STRN3: variants seen among roughly 807,000 people sequenced by gnomAD.
The protein encoded by STRN3 is striatin-3.
Under a neutral mutation model 95.6 loss-of-function variants are expected in STRN3, and 29 were observed. That is an observed-to-expected ratio of 0.30 (90% CI 0.23 to 0.41). STRN3 has a LOEUF of 0.41. Ranked by LOEUF, STRN3 falls within the 10% of genes least tolerant of loss-of-function variation. STRN3 has a pLI of 1.00. For missense variants in STRN3, 890 were observed against 972.1 expected (o/e 0.92, Z 1.12); for synonymous variants, 331 against 357.6 (o/e 0.93, Z 0.84).
intron 12 of STRN3, among the ~76,000 whole-genome samples, chr14:30,911,401 G>A (rs927831612): frequency 1.0e-4 from 15 of 148,146 alleles, no homozygotes; most frequent in African/African-American, 3.3e-4. Flanking sequence ...TCCCAGGTTC[G>A]AGCGATTCTC....
intron 13 of STRN3, among the ~76,000 whole-genome samples, chr14:30,910,538 A>T (rs956553783): frequency 1.3e-5 from 2 of 152,078 alleles, no homozygotes; most frequent in Admixed American, 6.5e-5. Context: ...ACAGATTTCT[A>T]AAAGCTACAT....
chr14:30,944,594 CATATAT>C (rs757394600), intron 5 of STRN3, among the ~76,000 whole-genome samples: 1 of 141,268 alleles, frequency 7.1e-6, no homozygotes, highest in Non-Finnish European at 1.5e-5. Flanking sequence ...CACGCACATA[CATATAT>C]ATATACACAT....
chr14:30,979,126 T>C (rs1326185757), intron 1 of STRN3, among the ~76,000 whole-genome samples: 2 of 146,434 alleles, frequency 1.4e-5, no homozygotes, highest in Non-Finnish European at 3.0e-5. Flanking sequence ...TCCTATGCAA[T>C]AGTAATAAAC....
At chr14:30,990,830 G>C (rs1881918442) in intron 1 of STRN3, among the ~76,000 whole-genome samples, 1 of 152,096 alleles carries the variant, frequency 6.6e-6, no homozygotes. Context: ...CATGTAAATA[G>C]TTGTTATATT....
chr14:30,919,334 A>G (rs992926686), intron 8 of STRN3, among the ~76,000 whole-genome samples: 14 of 150,904 alleles, frequency 9.3e-5, no homozygotes, highest in South Asian at 2.1e-4. Flanking sequence ...ATACATATCT[A>G]TATTACATAT....
chr14:30,931,799 C>A (rs1193450161), intron 7 of STRN3: 1 of 152,108 alleles, frequency 6.6e-6, no homozygotes, highest in Non-Finnish European at 1.5e-5. Flanking sequence ...AGAAAGCTTG[C>A]CAAAAGGCAG....
At chr14:30,934,280 C>T (rs974435167) in intron 7 of STRN3, among the ~76,000 whole-genome samples, 16 of 152,122 alleles carry the variant, frequency 1.1e-4, no homozygotes, top group African/African-American at 3.9e-4. Flanking sequence ...GCCAAGATTG[C>T]ACCACTGCAT....
chr14:31,003,573 GCT>G (rs1882572174), intron 1 of STRN3, among the ~76,000 whole-genome samples: 1 of 152,056 alleles, frequency 6.6e-6, no homozygotes, highest in Admixed American at 6.6e-5. Context: ...GCTGACTGTT[GCT>G]CTCTCGCCAT....
At chr14:30,963,917 T>C (rs1044711017) in intron 1 of STRN3, among the ~76,000 whole-genome samples, 3 of 151,914 alleles carry the variant, frequency 2.0e-5, no homozygotes, top group Admixed American at 1.3e-4. Flanking sequence ...ATGTAAGCAA[T>C]GCGCAGGGGG....
intron 8 of STRN3, among the ~76,000 whole-genome samples, chr14:30,921,326 T>C (rs778122352): frequency 3.7e-4 from 57 of 152,328 alleles, no homozygotes; most frequent in Non-Finnish European, 7.1e-4. Flanking sequence ...TTACAGATAA[T>C]GTAAAGTTAA....
At chr14:30,907,408 G>A (rs1896493354) in intron 13 of STRN3, among the ~76,000 whole-genome samples, 1 of 151,658 alleles carries the variant, frequency 6.6e-6, no homozygotes, top group African/African-American at 2.4e-5. Flanking sequence ...CAACCATCAT[G>A]ACAATCAATT....
intron 1 of STRN3, among the ~76,000 whole-genome samples, chr14:31,024,193 G>A (rs1047276730): frequency 2.0e-5 from 3 of 152,200 alleles, no homozygotes; most frequent in African/African-American, 7.2e-5. Context: ...TTGCTAACTT[G>A]AAGAGTGTTG....
In STRN3 at chr14:30,894,956, CAGA is replaced by C. The variant is rs758229492; in HGVS notation, c.*452_*454del. The C allele has an allele frequency of 8.8e-6, 9 of 1,026,976 alleles. No homozygotes were observed. Among genetic ancestry groups the C allele is most frequent in the East Asian group, 8.5e-5 (1 of 11,794 alleles). The allele number at this position is 1,026,976 out of a possible 1,614,324, so 63.6% of individuals were successfully genotyped here. ...GAATCTGTGGCATTCAACCGATAAA[CAGA>C]AGATCACTAAGAGATGAAAAAAAGC... On this transcript the variant is annotated 3_prime_UTR_variant, in exon 18 of 18. Transcript: ENST00000357479.
chr14:30,980,137 C>T (rs1005789539), intron 1 of STRN3, among the ~76,000 whole-genome samples: 2 of 151,676 alleles, frequency 1.3e-5, no homozygotes, highest in African/African-American at 2.4e-5. Flanking sequence ...CCCAGCTACT[C>T]GGGAGGCTGA....
intron 4 of STRN3, among the ~76,000 whole-genome samples, chr14:30,949,967 C>CA (rs1439681784): frequency 6.6e-6 from 1 of 151,954 alleles, no homozygotes; most frequent in Non-Finnish European, 1.5e-5. Context: ...AAGAGACAGA[C>CA]ATAGTGAACA....
chr14:30,980,551 G>T (rs1287969396), intron 1 of STRN3, among the ~76,000 whole-genome samples: 1 of 151,854 alleles, frequency 6.6e-6, no homozygotes, highest in Admixed American at 6.6e-5. Context: ...GGGATTACAG[G>T]CACCCGCCAC....
In STRN3 at chr14:31,025,970, G is replaced by T; in HGVS notation, c.216C>A (p.Ile72=). 6.3e-7 allele frequency: 1 copy of T among 1,584,978 alleles called. No individual in the cohort carries two copies. Among genetic ancestry groups the T allele is most frequent in the Non-Finnish European group, 8.6e-7 (1 of 1,166,460 alleles). ...QYTIPGILHY[I]QHEWARFEME... is the part of the protein sequence containing the mutation. ...TCTCGAACCGAGCCCACTCGTGCTG[G>T]ATGTAGTGCAGTATCCCCGGGATAG... The change falls in exon 1 of 18, where the codon ATC becomes ATA. Residue 72 remains isoleucine (I), a synonymous_variant. Transcript: ENST00000357479.
At chr14:30,959,534 A>T (rs1375935887) in intron 1 of STRN3, among the ~76,000 whole-genome samples, 24 of 152,208 alleles carry the variant, frequency 1.6e-4, no homozygotes, top group Admixed American at 1.6e-3. Flanking sequence ...GACCAATTAA[A>T]TAATAAATTT....
intron 1 of STRN3, chr14:31,018,483 C>T (rs763903130): frequency 4.0e-5 from 17 of 427,068 alleles, no homozygotes; most frequent in Non-Finnish European, 7.5e-5. Context: ...GTCACTCCTT[C>T]AGAGCAGAGC....
Sources: gnomAD v4.1 joint callset for allele counts (sites outside exome capture counted in the v4.1 genomes callset) on GRCh38, gnomAD v4.1.1 for gene constraint, MANE v1.5 for transcripts, NCBI Gene and HGNC (gene_info 2026-07-23, HGNC 2026-07-21) for gene names.